HERC2: variants seen among roughly 807,000 people sequenced by gnomAD.
The protein encoded by HERC2 is HECT and RLD domain containing E3 ubiquitin protein ligase 2.
A neutral mutation model predicts 537.7 loss-of-function variants in HERC2; 102 were observed. The observed-to-expected ratio is 0.19, with a 90% CI of 0.16 to 0.22. The LOEUF (loss-of-function observed/expected upper bound fraction) is 0.22, where lower values mean the gene tolerates loss of function less well. HERC2 is among the 10% of genes least tolerant of loss of function. The probability of loss-of-function intolerance (pLI) is 1.00; values close to 1 mark genes in which losing one functional copy is unlikely to be tolerated. For missense variants in HERC2, 4,236 were observed against 6,198.2 expected (o/e 0.68, Z 10.63); for synonymous variants, 2,224 against 2,466.2 (o/e 0.90, Z 2.91).
chr15:28,227,463 A>T (rs1312342505), intron 35 of HERC2, among the ~76,000 whole-genome samples: 1 of 149,498 alleles, frequency 6.7e-6, no homozygotes, highest in East Asian at 1.9e-4. Context: ...ATCCAAAAAA[A>T]AAAAGAAAAA....
intron 5 of HERC2, among the ~76,000 whole-genome samples, chr15:28,275,452 G>A (rs751730445): frequency 5.3e-5 from 8 of 152,338 alleles, no homozygotes; most frequent in Non-Finnish European, 7.3e-5. Flanking sequence ...TCCTGGCCGC[G>A]GGTGAAGCCC....
intron 69 of HERC2, 45 bp from the exon 70 acceptor site, chr15:28,152,875 C>T (rs1892598059): frequency 1.3e-6 from 2 of 1,531,824 alleles, no homozygotes; most frequent in Non-Finnish European, 8.8e-7. Context: ...AACAGCCCCA[C>T]ACCTGGTCAC....
At chr15:28,172,045 A>T (rs1894755544) in intron 65 of HERC2, among the ~76,000 whole-genome samples, 1 of 151,362 alleles carries the variant, frequency 6.6e-6, no homozygotes, top group South Asian at 2.1e-4. Flanking sequence ...ACTGCACTCC[A>T]GCCTGGCGAC....
intron 48 of HERC2, among the ~76,000 whole-genome samples, chr15:28,200,171 CG>C (rs1287057375): frequency 6.6e-6 from 1 of 152,050 alleles, no homozygotes; most frequent in Non-Finnish European, 1.5e-5. Context: ...CCAAGGCAGG[CG>C]GATCACCTGA....
intron 48 of HERC2, among the ~76,000 whole-genome samples, chr15:28,199,711 C>A (rs6497288): frequency 0.13 from 19,734 of 152,076 alleles, 4,299 homozygotes; most frequent in African/African-American, 0.45. Flanking sequence ...ACCCACCCAA[C>A]CCTGCTTGCC....
In HERC2 at chr15:28,240,670, TAA is replaced by T. The variant is rs1443585733; in HGVS notation, c.3578-1900_3578-1899del. ...ACCCTAAGAAAGAAGAAGGCAATAA[TAA>T]AGAGTATGGCACTGGACAGACAAAC... On this transcript the variant is annotated intron_variant, in intron 23 of 92. Coordinates refer to ENST00000261609, the MANE Select transcript of HERC2 (RefSeq NM_004667.6). Among the ~76,000 whole-genome samples, 7 of 152,078 alleles carry T rather than the reference TAA, an allele frequency of 4.6e-5. No individual in the cohort carries two copies. The East Asian group carries it at 9.7e-4, about 21-fold the overall frequency.
chr15:28,307,972 G>A (rs1444073928), intron 2 of HERC2, among the ~76,000 whole-genome samples: 3 of 152,116 alleles, frequency 2.0e-5, no homozygotes, highest in Non-Finnish European at 2.9e-5. Context: ...ATAATTTGAA[G>A]TCAGGTAATC....
intron 2 of HERC2, among the ~76,000 whole-genome samples, chr15:28,303,838 A>G (rs1422891790): frequency 2.6e-5 from 4 of 151,884 alleles, no homozygotes; most frequent in East Asian, 3.8e-4. Context: ...ATTTTTCTTG[A>G]TTTTTCATAT....
intron 52 of HERC2, among the ~76,000 whole-genome samples, chr15:28,195,101 T>C (rs543560825): frequency 5.6e-4 from 85 of 151,848 alleles, no homozygotes; most frequent in African/African-American, 2.0e-3. Context: ...TAAATCAGAA[T>C]GAAGATAAAT....
chr15:28,209,599 T>C (rs1159924670), intron 44 of HERC2, among the ~76,000 whole-genome samples: 1 of 152,182 alleles, frequency 6.6e-6, no homozygotes, highest in Non-Finnish European at 1.5e-5. Context: ...CGCCTTAGCC[T>C]CCCAAAGTGC....
intron 70 of HERC2, 65 bp from the exon 71 acceptor site, chr15:28,146,409 G>A: frequency 1.8e-6 from 2 of 1,119,814 alleles, no homozygotes; most frequent in Non-Finnish European, 1.4e-6. Context: ...TAGAAACAGT[G>A]AAACTAAAAC....
At position 28,229,304 on chromosome 15, in the gene HERC2, C is replaced by T. The variant is rs1374032833; in HGVS notation, c.5163G>A (p.Pro1721=). Residue 1721 remains proline, a synonymous_variant, in exon 34 of 93, where the codon CCG becomes CCA. Coordinates refer to ENST00000261609, the MANE Select transcript of HERC2 (RefSeq NM_004667.6). ...TDCLKDVDLI[P]PFNRMLLEVT... ...CTTCCAGCAGCATCCGATTAAAAGGCGGGATCAAATCAACATCCTTTAAAC... is the reference window on the plus strand; with the variant it reads ...CTTCCAGCAGCATCCGATTAAAAGGTGGGATCAAATCAACATCCTTTAAAC... The T allele has an allele frequency of 3.1e-6, 5 of 1,612,154 alleles. No individual in the cohort carries two copies. The highest frequency in any genetic ancestry group is 1.3e-5 in the African/African-American group (1 of 74,998).
rs142071453 is a variant in HERC2 at position 28,141,444 on chromosome 15, C to G, written c.12003G>C (p.Thr4001=). The G allele has an allele frequency of 6.2e-7, 1 of 1,613,882 alleles. No individual in the cohort carries two copies. The highest frequency in any genetic ancestry group is 1.3e-5 in the African/African-American group (1 of 74,854). The part of the protein sequence containing the change: ...IGGEQTLFAV[T]ADGKLYATGY... The stretch of plus-strand genomic sequence containing the variant: ...AAAGAGCTCTTACCTTCCCATCAGC[C>G]GTCACAGCAAAGAGGGTCTGTTCCC... The change falls in exon 78 of 93, where the codon ACG becomes ACC. Residue 4001 remains threonine (T), a synonymous_variant. Transcript: ENST00000261609.
Position 28,230,486 on chromosome 15 carries a change from C to G in HERC2, c.4690G>C (p.Glu1564Gln). The part of the protein sequence containing the change: ...RRKKRVPKKP[E>Q]STDDEEKIGN... ...ATTTTTTCTTCATCATCCGTAGATT[C>G]TGGCTTCTTAGGAACTGTGTTTTAA... Residue 1564 changes from glutamate (E) to glutamine (Q), a missense_variant, in exon 31 of 93, where the codon GAA (glutamate) becomes CAA (glutamine). Around this residue, in one of 27 missense-constraint regions of HERC2, gnomAD observed 343 missense variants for 417.2 expected, o/e 0.82. Coordinates refer to ENST00000261609, the MANE Select transcript of HERC2 (RefSeq NM_004667.6). 7.9e-7 allele frequency: 1 copy of G among 1,272,282 alleles called. No homozygotes were observed. Among genetic ancestry groups the G allele is most frequent in the Non-Finnish European group, 1.1e-6 (1 of 887,026 alleles). The allele number at this position is 1,272,282 out of a possible 1,614,324, so 78.8% of individuals were successfully genotyped here. A position where few individuals can be genotyped will look rare whatever the true frequency, so the allele number is the denominator to read the frequency against.
chr15:28,316,285 CT>C (rs576894643), intron 2 of HERC2, among the ~76,000 whole-genome samples: 1 of 147,428 alleles, frequency 6.8e-6, no homozygotes. Flanking sequence ...AACCCTTTTC[CT>C]TTTTTTTTAA....
chr15:28,272,828 C>A (rs1357864580), intron 8 of HERC2, 66 bp downstream of exon 8: 1 of 1,046,964 alleles, frequency 9.6e-7, no homozygotes, highest in South Asian at 1.3e-5. Context: ...GAAACACACA[C>A]AATGCAACAG....
In HERC2 at chr15:28,142,270, T is replaced by A; in HGVS notation, c.11668A>T (p.Arg3890Ter). The change falls in exon 76 of 93, where the codon AGA (arginine) becomes TGA (stop). Residue 3890 changes from arginine to a stop codon, truncating the protein, a stop_gained. Transcript: ENST00000261609. LOFTEE classifies it high-confidence loss of function. ...ASRVAVALDK[R>*]TPLPRLFLDE... ...AGAAACAGACGGGGCAACGGTGTTC[T>A]TTTGTCAAGGGCCACAGCAACACGG... is the stretch of plus-strand genomic sequence containing the variant. 6.2e-7 allele frequency: 1 copy of A among 1,614,230 alleles called. No homozygotes were observed. Among genetic ancestry groups the A allele is most frequent in the Non-Finnish European group, 8.5e-7 (1 of 1,180,044 alleles).
chr15:28,225,407 A>C (rs1163161715), intron 35 of HERC2, among the ~76,000 whole-genome samples: 1 of 151,634 alleles, frequency 6.6e-6, no homozygotes, highest in African/African-American at 2.4e-5. Context: ...GTAAATTAAG[A>C]AAAAAAGAGG....
chr15:28,274,004 A>C (rs1285116443), intron 7 of HERC2, among the ~76,000 whole-genome samples: 1 of 152,208 alleles, frequency 6.6e-6, no homozygotes, highest in Non-Finnish European at 1.5e-5. Flanking sequence ...AGAGACACAC[A>C]GTGTAAGCAC....
Sources: allele counts gnomAD v4.1 joint callset (sites outside exome capture counted in the v4.1 genomes callset), GRCh38; gene constraint gnomAD v4.1.1; regional missense constraint gnomAD v4.1.1; transcripts MANE v1.5; gene names NCBI Gene and HGNC (gene_info 2026-07-23, HGNC 2026-07-21).